The following TRAM1 variants were observed in gnomAD, a reference collection of about 807,000 sequenced individuals.
The protein encoded by TRAM1 is translocation associated membrane protein 1, also known as translocating chain-associated membrane protein 1.
A neutral mutation model predicts 48.7 loss-of-function variants in TRAM1; 17 were observed. The ratio of observed to expected loss-of-function variants is 0.35; its 90% CI spans 0.24 to 0.52. TRAM1 has a LOEUF of 0.52. Among genes scored for constraint, TRAM1 ranks in the 20% least tolerant of loss-of-function variants. The pLI, the probability that TRAM1 is intolerant of heterozygous loss-of-function variation, is 0.94. For missense variants in TRAM1, 351 were observed against 441.5 expected (o/e 0.79, Z 1.84); for synonymous variants, 182 against 154.0 (o/e 1.18, Z -1.34).
intron 5 of TRAM1, among the ~76,000 whole-genome samples, chr8:70,595,576 G>T (rs1273226934): frequency 6.6e-6 from 1 of 151,970 alleles, no homozygotes; most frequent in African/African-American, 2.4e-5. Context: ...AGTTTTTACC[G>T]CTACCAAGGC....
At chr8:70,597,340 T>C (rs1817510319) in intron 4 of TRAM1, among the ~76,000 whole-genome samples, 1 of 152,162 alleles carries the variant, frequency 6.6e-6, no homozygotes, top group African/African-American at 2.4e-5. Context: ...TAACCTACGC[T>C]TTTTGCTGAT....
chr8:70,583,070 T>C lies in TRAM1; in HGVS notation c.1051+94A>G, dbSNP rs547680727. The C allele has an allele frequency of 5.1e-6, 7 of 1,362,920 alleles. No homozygotes were observed. In the African/African-American group the frequency reaches 8.9e-5, roughly 17 times the overall value. The allele number at this position is 1,362,920 out of a possible 1,614,324, so 84.4% of individuals were successfully genotyped here. A position where few individuals can be genotyped will look rare whatever the true frequency, so the allele number is the denominator to read the frequency against. On this transcript the variant is annotated intron_variant, in intron 10 of 10. Coordinates refer to ENST00000262213, the MANE Select transcript of TRAM1 (RefSeq NM_014294.6). ...GAAAAGCAGAATAGTATTTTCTTTA[T>C]AAGACACCTTAAAACTAATAAATAA...
chr8:70,583,625 G>A (rs1563381676), intron 9 of TRAM1, 25 bp downstream of exon 9: 5 of 1,601,620 alleles, frequency 3.1e-6, no homozygotes, highest in Non-Finnish European at 4.2e-6. Context: ...TGTATAAAGT[G>A]AAAAAAATGT....
intron 8 of TRAM1, among the ~76,000 whole-genome samples, chr8:70,584,294 T>C (rs565178243): frequency 6.0e-4 from 91 of 152,308 alleles, no homozygotes; most frequent in African/African-American, 2.1e-3. Flanking sequence ...TGGAAAATGC[T>C]GGACAAAACA....
Position 70,586,886 on chromosome 8 carries a change from AC to A in TRAM1, c.746+8del, listed in dbSNP as rs1376137855. On this transcript the variant is annotated splice_region_variant and intron_variant, in intron 8 of 10. Coordinates refer to ENST00000262213, the MANE Select transcript of TRAM1 (RefSeq NM_014294.6). Reference sequence around the variant, plus strand: ...AGTACACGAGAAATAGAATGGCTAAACAACTTACCCTTTCTGATACTTTTCA... The same window carrying A: ...AGTACACGAGAAATAGAATGGCTAAAAACTTACCCTTTCTGATACTTTTCA... 3.1e-6 allele frequency: 5 copies of A among 1,609,358 alleles called. No individual in the cohort carries two copies. Among genetic ancestry groups the A allele is most frequent in the Non-Finnish European group, 4.3e-6 (5 of 1,176,050 alleles).
chr8:70,597,166 AC>A (rs1201958224), intron 4 of TRAM1, among the ~76,000 whole-genome samples: 2 of 152,218 alleles, frequency 1.3e-5, no homozygotes, highest in African/African-American at 4.8e-5. Flanking sequence ...GATTGTTATC[AC>A]TAATATTAAA....
chr8:70,583,997 G>C lies in TRAM1; in HGVS notation c.747-204C>G, dbSNP rs559144981. Among the ~76,000 whole-genome samples, 40 of 152,128 alleles carry C rather than the reference G, an allele frequency of 2.6e-4. 1 individual carries two copies. Among genetic ancestry groups the C allele is most frequent in the African/African-American group, 9.4e-4 (39 of 41,520 alleles). ...CACTGCACTCCAGCCTGGGCAACAA[G>C]AGCGAAACTCCATCTCAAAAAAATA... On this transcript the variant is annotated intron_variant, in intron 8 of 10. Coordinates refer to ENST00000262213, the MANE Select transcript of TRAM1 (RefSeq NM_014294.6).
chr8:70,596,540 G>A (rs1006574563), intron 4 of TRAM1, among the ~76,000 whole-genome samples: 2 of 152,042 alleles, frequency 1.3e-5, no homozygotes, highest in South Asian at 2.1e-4. Context: ...TATGGAATCA[G>A]GTAAGACATA....
intron 6 of TRAM1, among the ~76,000 whole-genome samples, chr8:70,588,284 T>TA (rs1817269560): frequency 6.6e-6 from 1 of 151,838 alleles, no homozygotes; most frequent in Non-Finnish European, 1.5e-5. Context: ...TTTTAAAACA[T>TA]GAAATAAAAT....
At position 70,600,205 on chromosome 8, in the gene TRAM1, G is replaced by A. The variant is rs370485826; in HGVS notation, c.124-123C>T. 105 of 691,544 alleles carry A rather than the reference G, an allele frequency of 1.5e-4. 2 individuals carry two copies. The South Asian group carries it at 1.8e-3, about 12-fold the overall frequency. The allele number at this position is 691,544 out of a possible 1,614,324, so 42.8% of individuals were successfully genotyped here. ...GCACCAAGGGCCTCCTCGTTCCTGTGGAATCCTGACAGACACAATGGAAAT... is the reference window on the plus strand; with the variant it reads ...GCACCAAGGGCCTCCTCGTTCCTGTAGAATCCTGACAGACACAATGGAAAT... On this transcript the variant is annotated intron_variant, in intron 1 of 10. Coordinates refer to ENST00000262213, the MANE Select transcript of TRAM1 (RefSeq NM_014294.6).
At chr8:70,591,501 G>C in intron 6 of TRAM1, among the ~76,000 whole-genome samples, 1 of 152,104 alleles carries the variant, frequency 6.6e-6, no homozygotes, top group East Asian at 1.9e-4. Flanking sequence ...AACAGAGAAG[G>C]CTGGGTGAAA....
intron 6 of TRAM1, among the ~76,000 whole-genome samples, chr8:70,589,153 T>G (rs1357727764): frequency 6.6e-6 from 1 of 152,220 alleles, no homozygotes; most frequent in Non-Finnish European, 1.5e-5. Context: ...TAAGACAGTC[T>G]GAATATTACA....
intron 5 of TRAM1, among the ~76,000 whole-genome samples, chr8:70,595,674 C>A (rs1285338363): frequency 6.6e-6 from 1 of 152,154 alleles, no homozygotes; most frequent in East Asian, 1.9e-4. Context: ...ATAGACACTA[C>A]ATCAAATTTC....
At chr8:70,601,396 T>C (rs1357352058) in intron 1 of TRAM1, among the ~76,000 whole-genome samples, 2 of 152,234 alleles carry the variant, frequency 1.3e-5, no homozygotes, top group Non-Finnish European at 2.9e-5. Flanking sequence ...TTCAAGGAAG[T>C]CTCCCTGTCT....
At position 70,596,274 on chromosome 8, in the gene TRAM1, A is replaced by T; in HGVS notation, c.474T>A (p.His158Gln). 6.3e-7 allele frequency: 1 copy of T among 1,597,286 alleles called. No individual in the cohort carries two copies. The highest frequency in any genetic ancestry group is 8.5e-7 in the Non-Finnish European group (1 of 1,173,890). The change falls in exon 5 of 11, where the codon CAT (histidine) becomes CAA (glutamine). Residue 158 changes from histidine to glutamine, a missense_variant. His to Gln is a conservative substitution (Grantham distance 24). Transcript: ENST00000262213. ...DPTILWRAYP[H>Q]NLMTFQMKFF... ...TAAAAATGACTTACGTCATCAGGTT[A>T]TGGGGATAAGCCCTCCATAAGATAG...
Position 70,574,791 on chromosome 8 carries a change from TA to T in TRAM1, c.*140del, listed in dbSNP as rs934745441. On this transcript the variant is annotated 3_prime_UTR_variant, in exon 11 of 11. Coordinates refer to ENST00000262213, the MANE Select transcript of TRAM1 (RefSeq NM_014294.6). ...AATAATCCTCCCCTCAAATGCCCTTTAAAAAAATGCATGAAACCGTACAATA... is the reference window on the plus strand; with the variant it reads ...AATAATCCTCCCCTCAAATGCCCTTTAAAAAATGCATGAAACCGTACAATA... 4.0e-5 allele frequency: 26 copies of T among 645,090 alleles called. No individual in the cohort carries two copies. The highest frequency in any genetic ancestry group is 2.9e-4 in the African/African-American group (15 of 52,376). 40.0% of individuals were successfully genotyped at this position (645,090 alleles called of 1,614,324 possible).
chr8:70,608,225 G>T lies in TRAM1; in HGVS notation c.-26C>A. On this transcript the variant is annotated 5_prime_UTR_variant, in exon 1 of 11. It adds an upstream start codon to the 5' untranslated region. Transcript: ENST00000262213. ...GGTGGGGCCGCCGCCCGCGCCTGCA[G>T]GTGCTCCGCCCCGGTTCTGCTCTTC... 6.3e-7 allele frequency: 1 copy of T among 1,576,026 alleles called. No homozygotes were observed. Among genetic ancestry groups the T allele is most frequent in the Admixed American group, 1.8e-5 (1 of 55,954 alleles).
intron 10 of TRAM1, among the ~76,000 whole-genome samples, chr8:70,579,908 A>T (rs937908805): frequency 9.9e-5 from 15 of 152,234 alleles, no homozygotes; most frequent in African/African-American, 2.7e-4. Context: ...TGTAAACTTT[A>T]GAATAAGTGA....
chr8:70,580,976 G>T (rs779688283), intron 10 of TRAM1, among the ~76,000 whole-genome samples: 1 of 152,152 alleles, frequency 6.6e-6, no homozygotes, highest in Non-Finnish European at 1.5e-5. Context: ...GAGATTAAAA[G>T]ATCTAAATAA....
Sources: gnomAD v4.1 joint callset for allele counts (sites outside exome capture counted in the v4.1 genomes callset) on GRCh38, gnomAD v4.1.1 for gene constraint, MANE v1.5 for transcripts, NCBI Gene and HGNC (gene_info 2026-07-23, HGNC 2026-07-21) for gene names.